CFAP20: variants seen among roughly 807,000 people sequenced by gnomAD.
CFAP20 encodes cilia and flagella associated protein 20, also known as cilia- and flagella-associated protein 20.
In CFAP20, 14 loss-of-function variants were observed where a neutral mutation model predicts 25.5. The ratio of observed to expected loss-of-function variants is 0.55; its 90% CI spans 0.36 to 0.86. CFAP20 has a LOEUF of 0.86. CFAP20 is among the 40% of genes least tolerant of loss of function. The pLI is 0.01. For synonymous variants in CFAP20, 75 were observed against 91.1 expected, an observed-to-expected ratio of 0.82 and a Z score of 1.01; for missense variants, 181 against 248.0, an observed-to-expected ratio of 0.73 and a Z score of 1.81.
chr16:58,123,852 C>T (rs965373955), intron 1 of CFAP20, among the ~76,000 whole-genome samples: 1 of 151,936 alleles, frequency 6.6e-6, no homozygotes, highest in Non-Finnish European at 1.5e-5. Context: ...ACTGTATAGC[C>T]AGGAATACAG....
intron 2 of CFAP20, chr16:58,116,546 C>T (rs1960460121): frequency 1.0e-5 from 4 of 392,048 alleles, no homozygotes; most frequent in Non-Finnish European, 1.8e-5. Flanking sequence ...GCCCACTCCC[C>T]ACCCCAACAC....
intron 2 of CFAP20, 25 bp downstream of exon 2, chr16:58,116,847 T>C (rs374561290): frequency 2.4e-4 from 388 of 1,597,038 alleles, no homozygotes; most frequent in Non-Finnish European, 3.1e-4. Flanking sequence ...ATGATGTCTC[T>C]GGGAGAACAG....
rs1463948044 is a variant in CFAP20 at position 58,128,837 on chromosome 16, C to CG, written c.84+194_84+195insC. Among the ~76,000 whole-genome samples, 551 of 146,490 alleles carry CG rather than the reference C, an allele frequency of 3.8e-3. 8 individuals are homozygous for CG. The highest frequency in any genetic ancestry group is 6.3e-3 in the South Asian group (28 of 4,470). ...CACGCCCACCCACATGCACCGCCCC[C>CG]CCCCCACCTCCTCCGCTGCTTACAC... On this transcript the variant is annotated intron_variant, in intron 1 of 5. Transcript: ENST00000262498.
At chr16:58,126,435 C>T (rs923133680) in intron 1 of CFAP20, among the ~76,000 whole-genome samples, 4 of 152,204 alleles carry the variant, frequency 2.6e-5, no homozygotes, top group African/African-American at 9.7e-5. Context: ...ACAGCGTTCA[C>T]TTCTATGCAG....
rs1290090338 is a variant in CFAP20, at chr16:58,129,092, G to A, written c.24C>T (p.Ser8=). The change falls in exon 1 of 6, where the codon AGC becomes AGT. Residue 8 remains serine, a synonymous_variant. Coordinates refer to ENST00000262498, the MANE Select transcript of CFAP20 (RefSeq NM_013242.3). ...TGCTGTAGAGGATGGAGAGGAAGCC[G>A]CTCTGGAACGTGTTTTTGAACATCT... is the stretch of plus-strand genomic sequence containing the variant. The part of the protein sequence containing the change: MFKNTFQ[S]GFLSILYSIG... The A allele has an allele frequency of 6.2e-7, 1 of 1,613,694 alleles. No individual in the cohort carries two copies. Among genetic ancestry groups the A allele is most frequent in the South Asian group, 1.1e-5 (1 of 91,070 alleles).
chr16:58,115,211 A>G (rs1310718933), intron 4 of CFAP20, 58 bp downstream of exon 4: 14 of 1,600,648 alleles, frequency 8.7e-6, no homozygotes, highest in African/African-American at 1.3e-5. Flanking sequence ...ACAAGCCAAT[A>G]TTAGACGCAG....
intron 1 of CFAP20, among the ~76,000 whole-genome samples, chr16:58,124,747 A>G (rs1273308081): frequency 6.6e-6 from 1 of 152,234 alleles, no homozygotes; most frequent in East Asian, 1.9e-4. Context: ...GTGAATGTGA[A>G]GGCCTAGGAC....
chr16:58,116,719 TG>T, intron 2 of CFAP20, 152 bp downstream of exon 2: 1 of 638,620 alleles, frequency 1.6e-6, no homozygotes. Context: ...TGCTAAGGTC[TG>T]GGGGATTCAG....
intron 2 of CFAP20, 83 bp from the exon 3 acceptor site, chr16:58,116,235 A>G: frequency 1.0e-6 from 1 of 976,548 alleles, no homozygotes; most frequent in Non-Finnish European, 1.6e-6. Context: ...ACGGTCCAAG[A>G]GGATACACTG....
In CFAP20 at chr16:58,116,160, G is replaced by A; in HGVS notation, c.165-8C>T. 1 of 1,581,724 alleles carries A rather than the reference G, an allele frequency of 6.3e-7. No individual in the cohort carries two copies. Among genetic ancestry groups the A allele is most frequent in the Admixed American group, 1.7e-5 (1 of 59,844 alleles). ...CATGTGATATATGTGGTGCTGTAGA[G>A]AGAGGAAATACTAATAAACACACTC... On this transcript the variant is annotated splice_polypyrimidine_tract_variant and splice_region_variant and intron_variant, in intron 2 of 5. Coordinates refer to ENST00000262498, the MANE Select transcript of CFAP20 (RefSeq NM_013242.3).
At chr16:58,123,215 G>T (rs1047009128) in intron 1 of CFAP20, among the ~76,000 whole-genome samples, 2 of 150,816 alleles carry the variant, frequency 1.3e-5, no homozygotes, top group Non-Finnish European at 3.0e-5. Context: ...GGCTGGTCTT[G>T]AACTCCTGAC....
intron 1 of CFAP20, among the ~76,000 whole-genome samples, chr16:58,126,815 C>T (rs927528743): frequency 2.0e-5 from 3 of 152,228 alleles, no homozygotes; most frequent in Non-Finnish European, 4.4e-5. Context: ...GAATTTCCAG[C>T]ACTTTATGCA....
At chr16:58,121,650 C>T (rs1960536768) in intron 1 of CFAP20, among the ~76,000 whole-genome samples, 1 of 152,210 alleles carries the variant, frequency 6.6e-6, no homozygotes, top group Admixed American at 6.6e-5. Flanking sequence ...TAATGGTTCT[C>T]TGCCTCTGCA....
In CFAP20 at chr16:58,129,381, T is replaced by C. The variant is rs1960680745; in HGVS notation, c.-266A>G. The C allele has an allele frequency of 4.4e-6, 2 of 456,158 alleles. No homozygotes were observed. Among genetic ancestry groups the C allele is most frequent in the African/African-American group, 2.0e-5 (1 of 50,428 alleles). The allele number at this position is 456,158 out of a possible 1,614,324, so 28.3% of individuals were successfully genotyped here. A position where few individuals can be genotyped will look rare whatever the true frequency, so the allele number is the denominator to read the frequency against. On this transcript the variant is annotated 5_prime_UTR_variant, in exon 1 of 6. Coordinates refer to ENST00000262498, the MANE Select transcript of CFAP20 (RefSeq NM_013242.3). Reference sequence around the variant, plus strand: ...CGCCGCGGTATTTCCCCGCCTTCAATGGAGGCGGAGGGCCGCCCGTTGCTT... The same window carrying C: ...CGCCGCGGTATTTCCCCGCCTTCAACGGAGGCGGAGGGCCGCCCGTTGCTT...
rs572336274 is a variant in CFAP20 at position 58,114,837 on chromosome 16, C to T, written c.549G>A (p.Leu183=). 3.7e-6 allele frequency: 6 copies of T among 1,613,952 alleles called. No individual in the cohort carries two copies. The African/African-American group carries it at 5.3e-5, about 14-fold the overall frequency. The change falls in exon 5 of 6, where the codon CTG becomes CTA. Residue 183 remains leucine, a synonymous_variant. Coordinates refer to ENST00000262498, the MANE Select transcript of CFAP20 (RefSeq NM_013242.3). ...SEDELPAEFK[L]YLPVQNKAKQ is the part of the protein sequence containing the mutation. ...TTGCCTTGTTCTGAACTGGGAGATA[C>T]AGTTTGAACTCTGCCGGCAGCTCAT...
At chr16:58,128,547 G>A (rs1355842344) in intron 1 of CFAP20, among the ~76,000 whole-genome samples, 1 of 152,180 alleles carries the variant, frequency 6.6e-6, no homozygotes, top group Non-Finnish European at 1.5e-5. Flanking sequence ...AAGGCTCTGT[G>A]TCTAGTGCCC....
intron 1 of CFAP20, among the ~76,000 whole-genome samples, chr16:58,125,990 A>T (rs1960605682): frequency 6.6e-6 from 1 of 152,218 alleles, no homozygotes; most frequent in African/African-American, 2.4e-5. Flanking sequence ...GACTACATAT[A>T]CTGTAACTCT....
At chr16:58,116,782 C>T in intron 2 of CFAP20, 90 bp downstream of exon 2, 1 of 1,221,878 alleles carries the variant, frequency 8.2e-7, no homozygotes. Flanking sequence ...ACATCCGGCA[C>T]TCTGACTCCG....
Position 58,114,908 on chromosome 16 carries a change from A to C in CFAP20, c.478T>G (p.Cys160Gly). 6.2e-7 allele frequency: 1 copy of C among 1,613,292 alleles called. No individual in the cohort carries two copies. The highest frequency in any genetic ancestry group is 8.5e-7 in the Non-Finnish European group (1 of 1,179,270). ...ETLRVQIHANCRIRRVYFSDR... is the reference protein window; with the variant it reads ...ETLRVQIHANGRIRRVYFSDR... ...GAGAAGTAAACCCGTCGGATGCGACAATTTGCATGGATCTGTCAAGGCAAT... is the reference window on the plus strand; with the variant it reads ...GAGAAGTAAACCCGTCGGATGCGACCATTTGCATGGATCTGTCAAGGCAAT... Residue 160 changes from cysteine (C) to glycine (G), a missense_variant, in exon 5 of 6, where the codon TGT becomes GGT. Physicochemically the swap from Cys to Gly is radical, Grantham distance 159. Transcript: ENST00000262498.
Sources: allele counts gnomAD v4.1 joint callset (sites outside exome capture counted in the v4.1 genomes callset), GRCh38; gene constraint gnomAD v4.1.1; transcripts MANE v1.5; gene names NCBI Gene and HGNC (gene_info 2026-07-23, HGNC 2026-07-21).